The following SOX6 variants were observed in gnomAD, a reference collection of about 807,000 sequenced individuals.
SOX6 encodes the protein transcription factor SOX-6.
In SOX6, 11 loss-of-function variants were observed where a neutral mutation model predicts 97.8. The ratio of observed to expected loss-of-function variants is 0.11; its 90% CI spans 0.07 to 0.19. The LOEUF (loss-of-function observed/expected upper bound fraction) is 0.19, where lower values mean the gene tolerates loss of function less well. Ranked by LOEUF, SOX6 falls within the 10% of genes least tolerant of loss-of-function variation. The pLI, the probability that SOX6 is intolerant of heterozygous loss-of-function variation, is 1.00. For synonymous variants in SOX6, 360 were observed against 371.4 expected (o/e 0.97, Z 0.35); for missense variants, 810 against 1,039.5 (o/e 0.78, Z 3.04).
chr11:15,989,061 A>C lies in SOX6; in HGVS notation c.1902T>G (p.Asp634Glu). 1 of 1,614,176 alleles carries C rather than the reference A, an allele frequency of 6.2e-7. No homozygotes were observed. Residue 634 changes from aspartate (D) to glutamate (E), a missense_variant, in exon 14 of 16, where the codon GAT becomes GAG. Transcript: ENST00000683767. ...AGGCCTGAAGGATTTTTCTCCTCTC[A>C]TCCTTTGCCCAAACCATGAATGCAT... ...PMNAFMVWAK[D>E]ERRKILQAFP...
At position 16,361,758 on chromosome 11, in the gene SOX6, G is replaced by A. The variant is rs189722517; in HGVS notation, c.-4-20506C>T. 2.7e-3 allele frequency among the ~76,000 whole-genome samples: 408 copies of A among 152,212 alleles called. 1 individual carries two copies. Among genetic ancestry groups the A allele is most frequent in the Non-Finnish European group, 4.9e-3 (331 of 68,014 alleles). The stretch of plus-strand genomic sequence containing the variant: ...TGATGAAGATAGCAAGGAAAAACTG[G>A]AAAACTGAATACCAATTTCCAAATC... On this transcript the variant is annotated intron_variant, in intron 1 of 15. Coordinates refer to the SOX6 transcript ENST00000396356.
intron 4 of SOX6, among the ~76,000 whole-genome samples, chr11:16,483,486 A>T (rs1243383713): frequency 6.6e-6 from 1 of 152,156 alleles, no homozygotes; most frequent in African/African-American, 2.4e-5. Context: ...CCCTTTGGTC[A>T]GAAAAGGGTA....
intron 3 of SOX6, among the ~76,000 whole-genome samples, chr11:16,274,225 T>A (rs147310617): frequency 2.0e-3 from 304 of 152,198 alleles, no homozygotes; most frequent in Non-Finnish European, 3.7e-3. Context: ...AAAATAAACA[T>A]TGATTTGGGA....
chr11:16,071,139 AG>A (rs1848213948), intron 9 of SOX6, among the ~76,000 whole-genome samples: 1 of 152,152 alleles, frequency 6.6e-6, no homozygotes, highest in South Asian at 2.1e-4. Flanking sequence ...ACAGCAGGGC[AG>A]GCAACTTTAC....
At chr11:16,500,710 T>C (rs984616276) in intron 4 of SOX6, among the ~76,000 whole-genome samples, 9 of 152,180 alleles carry the variant, frequency 5.9e-5, no homozygotes, top group African/African-American at 1.9e-4. Flanking sequence ...CCATTCACAA[T>C]TGCTTCAAAG....
At chr11:16,239,320 CCT>C (rs976995982) in intron 3 of SOX6, among the ~76,000 whole-genome samples, 2 of 151,954 alleles carry the variant, frequency 1.3e-5, no homozygotes, top group African/African-American at 4.8e-5. Flanking sequence ...TCCCCCTCTC[CCT>C]CTCTCTCCAA....
At chr11:16,163,055 T>C (rs1481743211) in intron 6 of SOX6, among the ~76,000 whole-genome samples, 3 of 149,904 alleles carry the variant, frequency 2.0e-5, no homozygotes, top group Admixed American at 6.6e-5. Flanking sequence ...AGTGGAAAGA[T>C]AGTGTAAAAA....
At chr11:16,235,883 T>C (rs60451843) in intron 3 of SOX6, among the ~76,000 whole-genome samples, 125 of 152,158 alleles carry the variant, frequency 8.2e-4, no homozygotes, top group African/African-American at 2.6e-3. Flanking sequence ...TTAGAAAGTA[T>C]TGGTGAAAAA....
At chr11:16,377,731 G>T (rs921941675) in intron 1 of SOX6, among the ~76,000 whole-genome samples, 2 of 152,064 alleles carry the variant, frequency 1.3e-5, no homozygotes, top group Non-Finnish European at 2.9e-5. Flanking sequence ...GAAGAGTCAG[G>T]ATTTTACTAG....
At chr11:16,161,388 G>GTA (rs3059084) in intron 6 of SOX6, among the ~76,000 whole-genome samples, 11,622 of 146,846 alleles carry the variant, frequency 0.079, 916 homozygotes, top group East Asian at 0.36. Context: ...ATATAGTCTT[G>GTA]TATATATATA....
rs1183616659 is a variant in SOX6 at position 16,374,392 on chromosome 11, T to TA, written c.-4-33141dup. On this transcript the variant is annotated intron_variant, in intron 1 of 15. Transcript: ENST00000396356. ...ATTCACAGATCTGCAGTTTTCTTTC[T>TA]AACCCTTCTGCATTCTTCAGATTCA... is the stretch of plus-strand genomic sequence containing the variant. Among the ~76,000 whole-genome samples, 7 of 152,260 alleles carry TA rather than the reference T, an allele frequency of 4.6e-5. No individual in the cohort carries two copies. In the East Asian group the frequency reaches 1.3e-3, roughly 29 times the overall value.
chr11:16,064,064 A>G (rs551431726), intron 9 of SOX6, among the ~76,000 whole-genome samples: 2 of 151,848 alleles, frequency 1.3e-5, no homozygotes, highest in East Asian at 3.9e-4. Context: ...CAATCTTCAA[A>G]TGGACAAGAA....
At chr11:16,460,318 T>C (rs1377045462) in intron 1 of SOX6, among the ~76,000 whole-genome samples, 1 of 152,030 alleles carries the variant, frequency 6.6e-6, no homozygotes, top group African/African-American at 2.4e-5. Flanking sequence ...TGTACATATA[T>C]TTTATCTCCA....
chr11:16,287,058 C>T (rs778181670), intron 3 of SOX6, among the ~76,000 whole-genome samples: 4 of 151,782 alleles, frequency 2.6e-5, no homozygotes, highest in African/African-American at 9.7e-5. Flanking sequence ...CATGAAAACA[C>T]AAATATACTT....
chr11:16,735,184 T>C (rs1848382500), intron 2 of SOX6, among the ~76,000 whole-genome samples: 1 of 152,154 alleles, frequency 6.6e-6, no homozygotes, highest in Non-Finnish European at 1.5e-5. Context: ...TATCTTAATC[T>C]GAACCCATAT....
intron 12 of SOX6, among the ~76,000 whole-genome samples, chr11:16,040,512 CT>C (rs374096717): frequency 6.6e-6 from 1 of 152,108 alleles, no homozygotes; most frequent in African/African-American, 2.4e-5. Context: ...TTTTATAGCA[CT>C]TTTGATCTGT....
chr11:16,716,811 A>C (rs1265722577), intron 2 of SOX6, among the ~76,000 whole-genome samples: 1 of 151,862 alleles, frequency 6.6e-6, no homozygotes, highest in African/African-American at 2.4e-5. Context: ...AGATATAAAA[A>C]AATTGTATGA....
chr11:16,185,685 G>T (rs1227294843), intron 5 of SOX6, among the ~76,000 whole-genome samples: 1 of 152,190 alleles, frequency 6.6e-6, no homozygotes, highest in African/African-American at 2.4e-5. Context: ...GTCTGCAAAT[G>T]TGTCAAGATT....
At chr11:16,156,190 T>C (rs1183134654) in intron 6 of SOX6, among the ~76,000 whole-genome samples, 1 of 152,030 alleles carries the variant, frequency 6.6e-6, no homozygotes, top group African/African-American at 2.4e-5. Flanking sequence ...CTGAGACCTA[T>C]TGCACTCATA....
Sources: gnomAD v4.1 joint callset for allele counts (sites outside exome capture counted in the v4.1 genomes callset) on GRCh38, gnomAD v4.1.1 for gene constraint, MANE v1.5 for transcripts, NCBI Gene and HGNC (gene_info 2026-07-23, HGNC 2026-07-21) for gene names.